The following MAGED2 variants were observed in gnomAD, a reference collection of about 807,000 sequenced individuals.
The protein encoded by MAGED2 is MAGE family member D2, also known as melanoma-associated antigen D2.
In MAGED2, 6 loss-of-function variants were observed where a neutral mutation model predicts 41.7. The observed-to-expected ratio is 0.14, with a 90% CI of 0.08 to 0.28. MAGED2 has a LOEUF of 0.28. MAGED2 is among the 10% of genes least tolerant of loss of function. MAGED2 has a pLI of 1.00. For missense variants in MAGED2, 343 were observed against 486.4 expected, an observed-to-expected ratio of 0.71 and a Z score of 2.77; for synonymous variants, 146 against 178.2, an observed-to-expected ratio of 0.82 and a Z score of 1.44.
rs867098630 is a variant in MAGED2, at chrX:54,810,927, G to A, written c.644G>A (p.Arg215His). 7 of 1,205,313 alleles carry A rather than the reference G, an allele frequency of 5.8e-6. No individual in the cohort carries two copies. Among genetic ancestry groups the A allele is most frequent in the African/African-American group, 5.3e-5 (3 of 57,084 alleles). ...AAGGCCCTAATGGCCTCAATGGCCC[G>A]CAGGGCTTCAAGGGGTCCCATAGCC... is the stretch of plus-strand genomic sequence containing the variant. ...VSKALMASMA[R>H]RASRGPIAFW... Residue 215 changes from arginine to histidine, a missense_variant, in exon 4 of 13, where the codon CGC becomes CAC. Arg to His is a conservative substitution (Grantham distance 29). This residue lies in a region of MAGED2 where 195 missense variants were observed against 221.2 expected (regional missense o/e 0.88). Coordinates refer to ENST00000375068, the MANE Select transcript of MAGED2 (RefSeq NM_177433.3).
At position 54,812,345 on chromosome X, in the gene MAGED2, G is replaced by T. The variant is rs1004729273; in HGVS notation, c.1085+94G>T. 28 of 529,095 alleles carry T rather than the reference G, an allele frequency of 5.3e-5. No individual in the cohort carries two copies. The Admixed American group carries it at 1.0e-3, about 20-fold the overall frequency. The allele number at this position is 529,095 out of a possible 1,213,427, so 43.6% of individuals were successfully genotyped here. ...CCTACTTCCCCCATCCTCTTAGAGA[G>T]TCAGGAAAGACAGGGTCTCAAAAGC... is the stretch of plus-strand genomic sequence containing the variant. On this transcript the variant is annotated intron_variant, in intron 7 of 12. Transcript: ENST00000375068.
intron 6 of MAGED2, 83 bp from the exon 7 acceptor site, chrX:54,812,074 G>A (rs771730781): frequency 5.3e-6 from 3 of 563,868 alleles, no homozygotes; most frequent in Admixed American, 2.6e-5. Flanking sequence ...TCACACATGC[G>A]AAACTCCTAG....
intron 5 of MAGED2, 61 bp from the exon 6 acceptor site, chrX:54,811,513 T>G: frequency 9.9e-7 from 1 of 1,009,385 alleles, no homozygotes; most frequent in Admixed American, 2.3e-5. Flanking sequence ...GTCTATAGCT[T>G]GGGCATCAGG....
At chrX:54,814,113 GGCCCACA>G (rs1399486216) in intron 10 of MAGED2, among the ~76,000 whole-genome samples, 3 of 112,213 alleles carry the variant, frequency 2.7e-5, no homozygotes, top group African/African-American at 9.7e-5. Context: ...ATCTGAGCAT[GGCCCACA>G]GCTGGTATGG....
intron 11 of MAGED2, 147 bp from the exon 12 acceptor site, chrX:54,815,101 T>C (rs1323398296): frequency 1.5e-5 from 10 of 672,905 alleles, no homozygotes; most frequent in Non-Finnish European, 2.2e-5. Context: ...ATTATCTTTT[T>C]ATACTAAGCA....
At chrX:54,813,182 G>A (rs200028230) in intron 9 of MAGED2, 22 bp downstream of exon 9, 52 of 1,209,075 alleles carry the variant, frequency 4.3e-5, no homozygotes, top group East Asian at 1.2e-4. Flanking sequence ...CTCTCTCAGC[G>A]CTTGCTGTCC....
intron 9 of MAGED2, 137 bp downstream of exon 9, chrX:54,813,297 C>T: frequency 9.9e-7 from 1 of 1,009,732 alleles, no homozygotes; most frequent in Non-Finnish European, 1.4e-6. Flanking sequence ...GGGTTCTGAC[C>T]TGGGTGGATG....
intron 9 of MAGED2, 89 bp from the exon 10 acceptor site, chrX:54,813,399 A>G (rs773603804): frequency 1.3e-5 from 12 of 922,097 alleles, no homozygotes; most frequent in East Asian, 6.2e-5. Context: ...CCTCTTTTCC[A>G]TCTTGGAAAT....
At position 54,812,994 on chromosome X, in the gene MAGED2, A is replaced by G; in HGVS notation, c.1135A>G (p.Ile379Val). ...LGLLMVLLSI[I>V]FMNGNRSSEA... Reference sequence around the variant, plus strand: ...TCTGCTCATGGTGCTTCTTAGCATCATCTTCATGAATGGAAATCGGTCCAG... The same window carrying G: ...TCTGCTCATGGTGCTTCTTAGCATCGTCTTCATGAATGGAAATCGGTCCAG... The change falls in exon 8 of 13, where the codon ATC (isoleucine) becomes GTC (valine). Residue 379 changes from isoleucine (I) to valine (V), a missense_variant. Coordinates refer to ENST00000375068, the MANE Select transcript of MAGED2 (RefSeq NM_177433.3). 1 of 1,211,818 alleles carries G rather than the reference A, an allele frequency of 8.3e-7. No homozygotes were observed. The highest frequency in any genetic ancestry group is 1.1e-6 in the Non-Finnish European group (1 of 895,470).
rs1254695313 is a variant in MAGED2 at position 54,810,053 on chromosome X, T to A, written c.377T>A (p.Val126Asp). 7 of 1,203,268 alleles carry A rather than the reference T, an allele frequency of 5.8e-6. No homozygotes were observed. Among genetic ancestry groups the A allele is most frequent in the Non-Finnish European group, 7.8e-6 (7 of 892,482 alleles). The change falls in exon 3 of 13, where the codon GTC (valine) becomes GAC (aspartate). Residue 126 changes from valine (V) to aspartate (D), a missense_variant. Around this residue, in one of 3 missense-constraint regions of MAGED2, gnomAD observed 195 missense variants for 221.2 expected, o/e 0.88. Coordinates refer to ENST00000375068, the MANE Select transcript of MAGED2 (RefSeq NM_177433.3). ...VTMPATETKK[V>D]SHVADTKVNT... Reference sequence around the variant, plus strand: ...ATGCCTGCCACTGAGACCAAAAAGGTCAGCCATGTGGCTGATACAAAGGTC... The same window carrying A: ...ATGCCTGCCACTGAGACCAAAAAGGACAGCCATGTGGCTGATACAAAGGTC...
At position 54,810,076 on chromosome X, in the gene MAGED2, G is replaced by A. The variant is rs1348772214; in HGVS notation, c.400G>A (p.Val134Ile). The change falls in exon 3 of 13, where the codon GTC becomes ATC. Residue 134 changes from valine (V) to isoleucine (I), a missense_variant. Transcript: ENST00000375068. ...GGTCAGCCATGTGGCTGATACAAAG[G>A]TCAATACAAAGGCTCAGGAGACTGA... ...KKVSHVADTK[V>I]NTKAQETEAA... is the part of the protein sequence containing the mutation. 1.7e-6 allele frequency: 2 copies of A among 1,209,006 alleles called. No homozygotes were observed. The highest frequency in any genetic ancestry group is 1.8e-5 in the South Asian group (1 of 56,475).
intron 6 of MAGED2, 36 bp from the exon 7 acceptor site, chrX:54,812,121 T>C: frequency 1.1e-6 from 1 of 891,217 alleles, no homozygotes; most frequent in Middle Eastern, 2.7e-4. Flanking sequence ...GGAAGCTGAA[T>C]TTTGTCATCT....
Position 54,815,698 on chromosome X carries a change from C to T in MAGED2, c.*8+8C>T, listed in dbSNP as rs998005716. On this transcript the variant is annotated splice_region_variant and intron_variant, in intron 12 of 12. Coordinates refer to ENST00000375068, the MANE Select transcript of MAGED2 (RefSeq NM_177433.3). ...CTACAAGTGAGATTTTAGGTATCTG[C>T]CTTGGTTTCAGTGGGGACATCTGGG... 1.8e-6 allele frequency: 2 copies of T among 1,111,097 alleles called. No homozygotes were observed. The highest frequency in any genetic ancestry group is 5.3e-5 in the Admixed American group (2 of 37,521). 91.6% of individuals were successfully genotyped at this position (1,111,097 alleles called of 1,213,427 possible). A position where few individuals can be genotyped will look rare whatever the true frequency, so the allele number is the denominator to read the frequency against.
Position 54,813,165 on chromosome X carries a change from G to A in MAGED2, c.1208+5G>A. The A allele has an allele frequency of 8.3e-7, 1 of 1,211,166 alleles. No individual in the cohort carries two copies. Among genetic ancestry groups the A allele is most frequent in the Non-Finnish European group, 1.1e-6 (1 of 895,630 alleles). ...CAAGTTGGGGCTGCGCCCTGGGTAT[G>A]ATTGGGCTCTCTCAGCGCTTGCTGT... On this transcript the variant is annotated splice_donor_5th_base_variant and intron_variant, in intron 9 of 12. Coordinates refer to ENST00000375068, the MANE Select transcript of MAGED2 (RefSeq NM_177433.3).
Position 54,809,882 on chromosome X carries a change from T to C in MAGED2, c.206T>C (p.Val69Ala). ...KASGVSKATE[V>A]SKTPEAREAP... is the part of the protein sequence containing the mutation. ...TCTGGGGTCTCAAAGGCCACAGAGG[T>C]CTCAAAGACCCCAGAGGCTCGGGAG... Residue 69 changes from valine to alanine, a missense_variant, in exon 3 of 13, where the codon GTC becomes GCC. Val to Ala is a moderately conservative substitution (Grantham distance 64). This residue lies in a region of MAGED2 where 195 missense variants were observed against 221.2 expected (regional missense o/e 0.88). Transcript: ENST00000375068. The C allele has an allele frequency of 9.2e-6, 11 of 1,190,846 alleles. No homozygotes were observed. The highest frequency in any genetic ancestry group is 1.0e-5 in the Non-Finnish European group (9 of 884,918).
chrX:54,809,910 A>G lies in MAGED2; in HGVS notation c.234A>G (p.Ala78=). Residue 78 remains alanine (A), a synonymous_variant, in exon 3 of 13, where the codon GCA becomes GCG. Coordinates refer to ENST00000375068, the MANE Select transcript of MAGED2 (RefSeq NM_177433.3). ...EVSKTPEARE[A]PATQASSTTQ... ...CAAAGACCCCAGAGGCTCGGGAGGC[A>G]CCTGCCACCCAGGCCTCATCTACTA... is the stretch of plus-strand genomic sequence containing the variant. The G allele has an allele frequency of 8.4e-7, 1 of 1,196,977 alleles. No individual in the cohort carries two copies. The highest frequency in any genetic ancestry group is 1.1e-6 in the Non-Finnish European group (1 of 887,894).
chrX:54,814,444 T>C (rs1355758614), intron 10 of MAGED2: 3 of 527,637 alleles, frequency 5.7e-6, no homozygotes, highest in Non-Finnish European at 1.0e-5. Flanking sequence ...TCTGGGGTCA[T>C]TGTGATGAGG....
intron 4 of MAGED2, 49 bp downstream of exon 4, chrX:54,811,178 C>T (rs774804896): frequency 1.6e-5 from 19 of 1,195,089 alleles, no homozygotes; most frequent in Non-Finnish European, 2.2e-5. Flanking sequence ...CCTTGGCTGT[C>T]CTTTTCTTTG....
At chrX:54,814,818 G>A in intron 11 of MAGED2, 43 bp downstream of exon 11, 1 of 1,028,095 alleles carries the variant, frequency 9.7e-7, no homozygotes, top group Non-Finnish European at 1.4e-6. Context: ...AAGAGCATGG[G>A]GTGCCCCTGG....
Sources: allele counts gnomAD v4.1 joint callset (sites outside exome capture counted in the v4.1 genomes callset), GRCh38; gene constraint gnomAD v4.1.1; regional missense constraint gnomAD v4.1.1; transcripts MANE v1.5; gene names NCBI Gene and HGNC (gene_info 2026-07-23, HGNC 2026-07-21).